TG: variants seen among roughly 807,000 people sequenced by gnomAD.
TG encodes the protein thyroglobulin.
In TG, 270 loss-of-function variants were observed where a neutral mutation model predicts 324.7. The ratio of observed to expected loss-of-function variants is 0.83; its 90% CI spans 0.75 to 0.92. TG has a LOEUF of 0.92. Among genes scored for constraint, TG ranks in the 40% least tolerant of loss-of-function variants. TG has a pLI of 0.00. For missense variants in TG, 3,591 were observed against 3,456.4 expected, an observed-to-expected ratio of 1.04 and a Z score of -0.98; for synonymous variants, 1,401 against 1,327.0, an observed-to-expected ratio of 1.06 and a Z score of -1.21.
chr8:133,062,482 G>C (rs1053534648), intron 41 of TG, among the ~76,000 whole-genome samples: 3 of 152,258 alleles, frequency 2.0e-5, no homozygotes, highest in Admixed American at 6.5e-5. Context: ...CCCCGGTGCC[G>C]GGCCCTGGGC....
chr8:132,911,982 T>C (rs1819601677), intron 19 of TG, among the ~76,000 whole-genome samples: 1 of 152,218 alleles, frequency 6.6e-6, no homozygotes, highest in Non-Finnish European at 1.5e-5. Flanking sequence ...TGATACCTAC[T>C]GTGGGCATGT....
intron 35 of TG, among the ~76,000 whole-genome samples, chr8:133,006,389 C>G (rs911300187): frequency 6.6e-6 from 1 of 152,206 alleles, no homozygotes; most frequent in African/African-American, 2.4e-5. Context: ...AGAACTGGGC[C>G]TGGACTTTGG....
At chr8:133,070,453 G>A (rs925149947) in intron 41 of TG, among the ~76,000 whole-genome samples, 24 of 152,282 alleles carry the variant, frequency 1.6e-4, no homozygotes, top group African/African-American at 4.6e-4. Context: ...TAAAATACAC[G>A]GACTCATTTG....
rs1250097102 is a variant in TG, at chr8:132,901,347, T to C, written c.3434-6T>C. On this transcript the variant is annotated splice_region_variant and splice_polypyrimidine_tract_variant and intron_variant, in intron 15 of 47. Transcript: ENST00000220616. Reference sequence around the variant, plus strand: ...CCCCAGCCCATCTGGCTTGTCTCTGTGTCAGGCCCAAGCCTCTGCAATGTG... The same window carrying C: ...CCCCAGCCCATCTGGCTTGTCTCTGCGTCAGGCCCAAGCCTCTGCAATGTG... The C allele has an allele frequency of 1.9e-6, 3 of 1,614,052 alleles. No individual in the cohort carries two copies. Among genetic ancestry groups the C allele is most frequent in the Non-Finnish European group, 1.7e-6 (2 of 1,180,000 alleles).
chr8:132,973,569 G>A (rs1018836881), intron 34 of TG, among the ~76,000 whole-genome samples: 12 of 152,140 alleles, frequency 7.9e-5, no homozygotes, highest in East Asian at 1.9e-4. Flanking sequence ...TTTGTCTTTC[G>A]GAAAGTCACA....
intron 20 of TG, among the ~76,000 whole-genome samples, chr8:132,916,643 G>A (rs1379014180): frequency 6.6e-6 from 1 of 152,192 alleles, no homozygotes. Context: ...TGTAGGCACA[G>A]CAGCCTTGAT....
At position 132,873,135 on chromosome 8, in the gene TG, T is replaced by C; in HGVS notation, c.552T>C (p.Ser184=). 6.2e-7 allele frequency: 1 copy of C among 1,614,224 alleles called. No homozygotes were observed. Reference sequence around the variant, plus strand: ...GAGATAAGTCACCACCCCAGTGTTCTGCGGAGGGAGAGTTTATGCCTGTCC... The same window carrying C: ...GAGATAAGTCACCACCCCAGTGTTCCGCGGAGGGAGAGTTTATGCCTGTCC... The part of the protein sequence containing the change: ...GVGDKSPPQC[S]AEGEFMPVQC... The change falls in exon 5 of 48, where the codon TCT becomes TCC. Residue 184 remains serine (S), a synonymous_variant. Transcript: ENST00000220616.
At chr8:133,042,212 G>A (rs1049672413) in intron 41 of TG, among the ~76,000 whole-genome samples, 2 of 152,268 alleles carry the variant, frequency 1.3e-5, no homozygotes, top group East Asian at 1.9e-4. Context: ...GCAACTCATT[G>A]CCTCTTAAAT....
In TG at chr8:133,055,519, T is replaced by C. The variant is rs186422023; in HGVS notation, c.7239+25496T>C. On this transcript the variant is annotated intron_variant, in intron 41 of 47. Transcript: ENST00000220616. ...CCAGGCTTGTGAGCCCTCTTAGTCA[T>C]ATGTAAAGGGCTGTGTTTGAGACCC... 5.3e-3 allele frequency among the ~76,000 whole-genome samples: 799 copies of C among 152,164 alleles called. 9 individuals are homozygous for C. The highest frequency in any genetic ancestry group is 0.011 in the Admixed American group (169 of 15,264).
chr8:133,059,402 G>T (rs1052390679), intron 41 of TG, among the ~76,000 whole-genome samples: 7 of 152,214 alleles, frequency 4.6e-5, no homozygotes, highest in African/African-American at 1.7e-4. Context: ...TTGATGTTCA[G>T]CCTTTTCCCT....
chr8:133,001,658 T>C, intron 35 of TG: 2 of 745,926 alleles, frequency 2.7e-6, no homozygotes, highest in South Asian at 6.1e-5. Context: ...TGCAATGTTG[T>C]CTCCGTCCGA....
intron 21 of TG, 109 bp from the exon 22 acceptor site, chr8:132,923,229 A>T: frequency 8.3e-7 from 1 of 1,205,740 alleles, no homozygotes; most frequent in Non-Finnish European, 1.2e-6. Flanking sequence ...GGAATGTCTG[A>T]GTTAGATGTG....
chr8:133,111,982 A>C (rs565065643), intron 43 of TG, among the ~76,000 whole-genome samples: 3 of 152,280 alleles, frequency 2.0e-5, no homozygotes, highest in East Asian at 3.9e-4. Context: ...ATCCCACCAG[A>C]AGGGGCTGTG....
chr8:132,988,268 T>G (rs962906018), intron 35 of TG, among the ~76,000 whole-genome samples: 1 of 152,060 alleles, frequency 6.6e-6, no homozygotes. Flanking sequence ...AAACTGTGAC[T>G]TGGAGGAGGA....
chr8:132,975,376 A>G (rs1830055837), intron 34 of TG, among the ~76,000 whole-genome samples: 1 of 152,244 alleles, frequency 6.6e-6, no homozygotes, highest in South Asian at 2.1e-4. Context: ...ACATCTTGAC[A>G]GGAGTTGGCA....
chr8:132,887,339 C>T lies in TG; in HGVS notation c.1967C>T (p.Pro656Leu), dbSNP rs760346508. 6 of 1,611,958 alleles carry T rather than the reference C, an allele frequency of 3.7e-6. 1 individual carries two copies. In the South Asian group the frequency reaches 5.5e-5, roughly 15 times the overall value. Residue 656 changes from proline (P) to leucine (L), a missense_variant, in exon 9 of 48, where the codon CCA becomes CTA. By Grantham distance (98) the Pro-to-Leu change is moderately conservative. Coordinates refer to ENST00000220616, the MANE Select transcript of TG (RefSeq NM_003235.5). The stretch of plus-strand genomic sequence containing the variant: ...GGCTCAAGAGTCAGAGGTGGACAGC[C>T]AAGGTGCCCCACAGACTGTGAAAAG... Reference protein sequence around the residue: ...LPGSRVRGGQPRCPTDCEKQR... With the variant: ...LPGSRVRGGQLRCPTDCEKQR...
At chr8:133,026,346 C>T (rs73359378) in intron 40 of TG, among the ~76,000 whole-genome samples, 2,504 of 152,288 alleles carry the variant, frequency 0.016, 78 homozygotes, top group African/African-American at 0.056. Flanking sequence ...ACTAGACAAA[C>T]GCATGCTCTC....
chr8:133,033,019 C>T (rs551158427), intron 41 of TG, among the ~76,000 whole-genome samples: 1 of 152,304 alleles, frequency 6.6e-6, no homozygotes, highest in East Asian at 1.9e-4. Context: ...TGTATTTCCC[C>T]ACTCTGTGAT....
Position 132,969,445 on chromosome 8 carries a change from T to A in TG, c.5864-13T>A, listed in dbSNP as rs1158946913. The A allele has an allele frequency of 2.5e-6, 4 of 1,579,768 alleles. No individual in the cohort carries two copies. The highest frequency in any genetic ancestry group is 3.5e-6 in the Non-Finnish European group (4 of 1,148,904). ...ATCTCTAAGTAATGTATTTTCTTTC[T>A]TCCTCTATGAAGTTATACTGGAAGA... On this transcript the variant is annotated splice_polypyrimidine_tract_variant and intron_variant, in intron 31 of 47. Coordinates refer to ENST00000220616, the MANE Select transcript of TG (RefSeq NM_003235.5).
Sources: allele counts gnomAD v4.1 joint callset (sites outside exome capture counted in the v4.1 genomes callset), GRCh38; gene constraint gnomAD v4.1.1; transcripts MANE v1.5; gene names NCBI Gene and HGNC (gene_info 2026-07-23, HGNC 2026-07-21).